PCDHGA10: variants seen among roughly 807,000 people sequenced by gnomAD.
The protein encoded by PCDHGA10 is protocadherin gamma subfamily A, 10, also known as protocadherin gamma-A10.
Under a neutral mutation model 59.5 loss-of-function variants are expected in PCDHGA10, and 42 were observed. The observed-to-expected ratio is 0.71, with a 90% CI of 0.55 to 0.91. PCDHGA10 has a LOEUF of 0.91. Among genes scored for constraint, PCDHGA10 ranks in the 40% least tolerant of loss-of-function variants. The pLI is 0.00. For missense variants in PCDHGA10, 1,111 were observed against 1,198.2 expected (o/e 0.93, Z 1.07); for synonymous variants, 511 against 517.2 (o/e 0.99, Z 0.16).
chr5:141,434,795 T>C (rs1027924206), intron 1 of PCDHGA10, among the ~76,000 whole-genome samples: 2 of 152,004 alleles, frequency 1.3e-5, no homozygotes, highest in African/African-American at 2.4e-5. Context: ...TTTTTTTTTC[T>C]GAGCTTGGAG....
In PCDHGA10 at chr5:141,485,990, C is replaced by T. The variant is rs1285988124; in HGVS notation, c.2437-8817C>T. 2.5e-6 allele frequency: 4 copies of T among 1,614,168 alleles called. No homozygotes were observed. The stretch of plus-strand genomic sequence containing the variant: ...CAATGCCTCAGACCCGGACCTGGGT[C>T]CCAGTGGTAACGTCACCTTTTATTT... On this transcript the variant is annotated intron_variant, in intron 1 of 3. Coordinates refer to ENST00000398610, the MANE Select transcript of PCDHGA10 (RefSeq NM_018913.3). This position sits in a 1 kb window ranked among gnomAD's most constrained non-coding sequence, Gnocchi z 5.7.
intron 1 of PCDHGA10, chr5:141,419,158 C>G (rs757849297): frequency 6.2e-7 from 1 of 1,613,950 alleles, no homozygotes; most frequent in South Asian, 1.1e-5. Context: ...CTCCGTTATC[C>G]TCCAGCAAAA....
intron 1 of PCDHGA10, chr5:141,417,858 C>A (rs561149517): frequency 1.3e-6 from 2 of 1,547,240 alleles, no homozygotes; most frequent in African/African-American, 1.4e-5. Context: ...CCCGAGCGAA[C>A]GATGGGAGGG....
rs576464275 is a variant in PCDHGA10, at chr5:141,448,784, CA to C, written c.2436+33184del. ...TGAAACCCCGTCTGTACTAAAAATA[CA>C]AAAAAAAAAATTAGCCAGGCGTGAT... On this transcript the variant is annotated intron_variant, in intron 1 of 3. Coordinates refer to ENST00000398610, the MANE Select transcript of PCDHGA10 (RefSeq NM_018913.3). Among the ~76,000 whole-genome samples, 323 of 145,522 alleles carry C rather than the reference CA, an allele frequency of 2.2e-3. 2 individuals are homozygous for C. The highest frequency in any genetic ancestry group is 5.9e-3 in the African/African-American group (238 of 40,012).
At chr5:141,443,050 T>C (rs1290373918) in intron 1 of PCDHGA10, among the ~76,000 whole-genome samples, 1 of 152,236 alleles carries the variant, frequency 6.6e-6, no homozygotes, top group Non-Finnish European at 1.5e-5. Flanking sequence ...AAAATTATTG[T>C]TCCACTGAAG....
chr5:141,470,130 A>G (rs915991313), intron 1 of PCDHGA10, among the ~76,000 whole-genome samples: 4 of 151,534 alleles, frequency 2.6e-5, no homozygotes, highest in African/African-American at 4.9e-5. Flanking sequence ...CTTCGTCTCA[A>G]AAAAAAAGAT....
intron 1 of PCDHGA10, chr5:141,427,807 A>C (rs1443881781): frequency 6.6e-7 from 1 of 1,522,050 alleles, no homozygotes; most frequent in South Asian, 1.1e-5. Flanking sequence ...GTGAGCGCAC[A>C]GAGCGGGGTG....
intron 2 of PCDHGA10, among the ~76,000 whole-genome samples, chr5:141,502,866 C>CTTTTTT (rs549047197): frequency 2.0e-4 from 26 of 128,026 alleles, no homozygotes; most frequent in African/African-American, 6.2e-4. Flanking sequence ...GACTCTCTGT[C>CTTTTTT]TTTTTTTTTT....
chr5:141,459,259 G>T (rs996530664), intron 1 of PCDHGA10, among the ~76,000 whole-genome samples: 1 of 152,140 alleles, frequency 6.6e-6, no homozygotes, highest in Non-Finnish European at 1.5e-5. Context: ...ATAAATTAGT[G>T]TTGCCTCTTT....
chr5:141,491,232 G>C lies in PCDHGA10; in HGVS notation c.2437-3575G>C. The C allele has an allele frequency of 6.2e-7, 1 of 1,614,220 alleles. No individual in the cohort carries two copies. Among genetic ancestry groups the C allele is most frequent in the Non-Finnish European group, 8.5e-7 (1 of 1,180,034 alleles). On this transcript the variant is annotated intron_variant, in intron 1 of 3. Coordinates refer to ENST00000398610, the MANE Select transcript of PCDHGA10 (RefSeq NM_018913.3). The surrounding 1 kb of genome is among the most constrained non-coding windows in gnomAD (Gnocchi z 6.9). ...TCTCCTCCACAGCCACAGTGCTGCT[G>C]GTTCTGGAGGATGAGGACCCTGAGG... is the stretch of plus-strand genomic sequence containing the variant.
chr5:141,466,197 G>A (rs2099118639), intron 1 of PCDHGA10, among the ~76,000 whole-genome samples: 1 of 151,666 alleles, frequency 6.6e-6, no homozygotes, highest in South Asian at 2.1e-4. Flanking sequence ...TTCAGACACA[G>A]CCTTGCTCTG....
intron 1 of PCDHGA10, among the ~76,000 whole-genome samples, chr5:141,457,836 C>T (rs1418402508): frequency 6.6e-6 from 1 of 152,202 alleles, no homozygotes; most frequent in African/African-American, 2.4e-5. Context: ...GCTTCCAGAC[C>T]TGTTAGAAAG....
chr5:141,504,765 C>T lies in PCDHGA10; in HGVS notation c.2496-628C>T, dbSNP rs548234873. ...ATTGAATTTTAGAAATTTCTTCTCC[C>T]TGCTCCAGGGTCTCTTGGGGCCTCC... On this transcript the variant is annotated intron_variant, in intron 2 of 3. Transcript: ENST00000398610. Among the ~76,000 whole-genome samples, 4 of 152,156 alleles carry T rather than the reference C, an allele frequency of 2.6e-5. No homozygotes were observed. The South Asian group carries it at 8.3e-4, about 32-fold the overall frequency.
At position 141,490,440 on chromosome 5, in the gene PCDHGA10, T is replaced by C. The variant is rs560525159; in HGVS notation, c.2437-4367T>C. On this transcript the variant is annotated intron_variant, in intron 1 of 3. Transcript: ENST00000398610. This position sits in a 1 kb window ranked among gnomAD's most constrained non-coding sequence, Gnocchi z 5.4. ...ACCTGCCATTTCAGATTAAGCCTTC[T>C]GAGAACCACTACTCGCTGCTAACCA... 7 of 1,614,206 alleles carry C rather than the reference T, an allele frequency of 4.3e-6. No homozygotes were observed. Among genetic ancestry groups the C allele is most frequent in the Non-Finnish European group, 5.9e-6 (7 of 1,180,040 alleles).
At chr5:141,439,622 TCC>T (rs1374759651) in intron 1 of PCDHGA10, among the ~76,000 whole-genome samples, 1 of 152,134 alleles carries the variant, frequency 6.6e-6, no homozygotes, top group Non-Finnish European at 1.5e-5. Context: ...AATGAGCCAA[TCC>T]CCAGACATTC....
Position 141,414,568 on chromosome 5 carries a change from A to G in PCDHGA10, c.1393A>G (p.Ile465Val), listed in dbSNP as rs1349020199. The change falls in exon 1 of 4, where the codon ATC (isoleucine) becomes GTC (valine). Residue 465 changes from isoleucine (I) to valine (V), a missense_variant. Ile to Val is a conservative substitution (Grantham distance 29). Coordinates refer to ENST00000398610, the MANE Select transcript of PCDHGA10 (RefSeq NM_018913.3). ...TFSQVSYFTYIPENNARGASI... is the reference protein window; with the variant it reads ...TFSQVSYFTYVPENNARGASI... ...CTCTCAAGTCTCCTACTTTACCTATATCCCAGAGAACAACGCCAGGGGTGC... is the reference window on the plus strand; with the variant it reads ...CTCTCAAGTCTCCTACTTTACCTATGTCCCAGAGAACAACGCCAGGGGTGC... 1.2e-6 allele frequency: 2 copies of G among 1,613,914 alleles called. No individual in the cohort carries two copies. Among genetic ancestry groups the G allele is most frequent in the South Asian group, 1.1e-5 (1 of 91,076 alleles).
At chr5:141,415,937 C>T (rs939831077) in intron 1 of PCDHGA10, 8 of 587,822 alleles carry the variant, frequency 1.4e-5, no homozygotes, top group Non-Finnish European at 2.0e-5. Context: ...TATATTTCCT[C>T]CTGGGTGGTC....
intron 3 of PCDHGA10, among the ~76,000 whole-genome samples, chr5:141,507,856 A>T (rs1200072170): frequency 1.3e-5 from 2 of 151,926 alleles, no homozygotes; most frequent in Non-Finnish European, 2.9e-5. Flanking sequence ...TCTCACTTTC[A>T]CACCCGCTTC....
chr5:141,416,130 C>T (rs907950687), intron 1 of PCDHGA10: 1 of 154,098 alleles, frequency 6.5e-6, no homozygotes, highest in African/African-American at 2.4e-5. Context: ...ATATATTTTT[C>T]AATCTATACT....
Sources: gnomAD v4.1 joint callset for allele counts (sites outside exome capture counted in the v4.1 genomes callset) on GRCh38, gnomAD v4.1.1 for gene constraint, Gnocchi (gnomAD v3.1) non-coding constraint, MANE v1.5 for transcripts, NCBI Gene and HGNC (gene_info 2026-07-23, HGNC 2026-07-21) for gene names.